Variants in LRRTM4 observed in about 807,000 individuals in gnomAD.
LRRTM4 encodes the protein leucine rich repeat transmembrane neuronal 4, also known as leucine-rich repeat transmembrane neuronal protein 4.
Under a neutral mutation model 47.6 loss-of-function variants are expected in LRRTM4, and 25 were observed. The observed-to-expected ratio is 0.53, with a 90% CI of 0.38 to 0.73. The LOEUF (loss-of-function observed/expected upper bound fraction) is 0.73. Ranked by LOEUF, LRRTM4 falls within the 30% of genes least tolerant of loss-of-function variation. The pLI, the probability that LRRTM4 is intolerant of heterozygous loss-of-function variation, is 0.00. For synonymous variants in LRRTM4, 311 were observed against 269.5 expected (o/e 1.15, Z -1.51); for missense variants, 638 against 713.4 (o/e 0.89, Z 1.20).
chr2:77,167,037 AAATTTTTAC>A (rs1173343215), intron 3 of LRRTM4, among the ~76,000 whole-genome samples: 2 of 152,208 alleles, frequency 1.3e-5, no homozygotes, highest in Non-Finnish European at 2.9e-5. Context: ...GAATGGGAGA[AAATTTTTAC>A]AATCTACGCA....
At chr2:77,080,111 A>G (rs930777538) in intron 3 of LRRTM4, among the ~76,000 whole-genome samples, 1 of 152,158 alleles carries the variant, frequency 6.6e-6, no homozygotes, top group Non-Finnish European at 1.5e-5. Context: ...CAATGGTCAT[A>G]CATTGCTAAA....
chr2:76,853,098 A>T (rs895231353), intron 3 of LRRTM4, among the ~76,000 whole-genome samples: 1 of 152,044 alleles, frequency 6.6e-6, no homozygotes, highest in Non-Finnish European at 1.5e-5. Context: ...AAAAGTTTGG[A>T]CTTGATATTG....
chr2:76,836,864 G>T (rs1043015510), intron 3 of LRRTM4, among the ~76,000 whole-genome samples: 2 of 152,068 alleles, frequency 1.3e-5, no homozygotes, highest in African/African-American at 2.4e-5. Flanking sequence ...GAGTTTTTTA[G>T]GCCGGTCTAA....
intron 3 of LRRTM4, among the ~76,000 whole-genome samples, chr2:77,460,114 T>C (rs1049937477): frequency 2.0e-5 from 3 of 152,124 alleles, no homozygotes; most frequent in African/African-American, 7.2e-5. Flanking sequence ...CATGTGAAAC[T>C]GAAAGAATGC....
chr2:77,009,451 C>A (rs1214977246), intron 3 of LRRTM4: 1 of 152,084 alleles, frequency 6.6e-6, no homozygotes, highest in Non-Finnish European at 1.5e-5. Flanking sequence ...TCATCCCTCT[C>A]AAATGCTCTA....
intron 3 of LRRTM4, among the ~76,000 whole-genome samples, chr2:77,418,145 T>A (rs1189659817): frequency 6.6e-6 from 1 of 152,122 alleles, no homozygotes; most frequent in Non-Finnish European, 1.5e-5. Flanking sequence ...GTGTCAAGGG[T>A]TCTTAGCGTA....
intron 3 of LRRTM4, among the ~76,000 whole-genome samples, chr2:76,788,153 G>T (rs1176381178): frequency 6.6e-6 from 1 of 152,116 alleles, no homozygotes; most frequent in Non-Finnish European, 1.5e-5. Context: ...TCTGTAGTAG[G>T]AGAACCAAGT....
intron 3 of LRRTM4, among the ~76,000 whole-genome samples, chr2:76,830,515 C>CGTGTGCGTGTGT (rs1553416353): frequency 2.1e-5 from 3 of 144,088 alleles, no homozygotes; most frequent in South Asian, 4.4e-4. Context: ...GCAGTGTGTG[C>CGTGTGCGTGTGT]GTGTGTGTGT....
intron 3 of LRRTM4, among the ~76,000 whole-genome samples, chr2:77,394,761 C>T (rs1212754711): frequency 2.0e-5 from 3 of 151,846 alleles, no homozygotes; most frequent in African/African-American, 7.3e-5. Flanking sequence ...ACAGTTAGGC[C>T]CCCTATGTCA....
intron 3 of LRRTM4, among the ~76,000 whole-genome samples, chr2:76,868,878 C>CATCAAGTAATAAAATACAGA (rs2104041667): frequency 6.6e-6 from 1 of 152,184 alleles, no homozygotes; most frequent in East Asian, 1.9e-4. Flanking sequence ...TTTCAAGTAT[C>CATCAAGTAATAAAATACAGA]TGTATTATTA....
chr2:77,059,909 G>A (rs530535564), intron 3 of LRRTM4, among the ~76,000 whole-genome samples: 1 of 152,218 alleles, frequency 6.6e-6, no homozygotes, highest in Admixed American at 6.5e-5. Flanking sequence ...CTAATTGCTT[G>A]TCAAATCAGG....
At chr2:76,911,548 T>C (rs1386848482) in intron 3 of LRRTM4, among the ~76,000 whole-genome samples, 1 of 152,142 alleles carries the variant, frequency 6.6e-6, no homozygotes, top group Non-Finnish European at 1.5e-5. Flanking sequence ...CAGTGGGATA[T>C]GAATTACTGT....
intron 3 of LRRTM4, among the ~76,000 whole-genome samples, chr2:76,892,221 T>A (rs1266219441): frequency 6.6e-6 from 1 of 151,744 alleles, no homozygotes; most frequent in East Asian, 1.9e-4. Context: ...AAAACTTTCT[T>A]AGGACAGTTA....
At chr2:77,266,345 G>A (rs763999790) in intron 3 of LRRTM4, among the ~76,000 whole-genome samples, 2 of 151,872 alleles carry the variant, frequency 1.3e-5, no homozygotes, top group Non-Finnish European at 2.9e-5. Flanking sequence ...AAATTCAAAA[G>A]GCAAAGATAA....
rs577273086 is a variant in LRRTM4 at position 76,787,352 on chromosome 2, CTCTTT to C, written c.1552-38441_1552-38437del. On this transcript the variant is annotated intron_variant, in intron 3 of 3. Coordinates refer to ENST00000409884, the MANE Select transcript of LRRTM4 (RefSeq NM_001134745.3). ...ACTTCCTGGTCATAATTATTTTCAT[CTCTTT>C]TCTTTTTATTGATATATAGAGCCTG... is the stretch of plus-strand genomic sequence containing the variant. Among the ~76,000 whole-genome samples, 26 of 152,182 alleles carry C rather than the reference CTCTTT, an allele frequency of 1.7e-4. No homozygotes were observed. The South Asian group carries it at 4.8e-3, about 28-fold the overall frequency.
intron 3 of LRRTM4, among the ~76,000 whole-genome samples, chr2:77,071,023 C>G (rs1211219259): frequency 6.6e-6 from 1 of 152,136 alleles, no homozygotes; most frequent in Non-Finnish European, 1.5e-5. Context: ...CTGTGCATGT[C>G]TAATATTTTA....
intron 3 of LRRTM4, among the ~76,000 whole-genome samples, chr2:76,979,933 C>T (rs1388882730): frequency 6.6e-6 from 1 of 151,884 alleles, no homozygotes; most frequent in East Asian, 1.9e-4. Flanking sequence ...TCCAAATTAC[C>T]CCACACTGCA....
chr2:76,841,688 G>GTATGTA (rs1553418039), intron 3 of LRRTM4, among the ~76,000 whole-genome samples: 1 of 148,220 alleles, frequency 6.7e-6, no homozygotes, highest in African/African-American at 2.5e-5. Flanking sequence ...ACTTTACTGT[G>GTATGTA]TATATATATA....
intron 3 of LRRTM4, among the ~76,000 whole-genome samples, chr2:77,177,870 C>T (rs2103849561): frequency 6.6e-6 from 1 of 152,318 alleles, no homozygotes; most frequent in Admixed American, 6.5e-5. Flanking sequence ...TGGTTCCCTT[C>T]CAGTCAGATG....
Sources: allele counts gnomAD v4.1 joint callset (sites outside exome capture counted in the v4.1 genomes callset), GRCh38; gene constraint gnomAD v4.1.1; transcripts MANE v1.5; gene names NCBI Gene and HGNC (gene_info 2026-07-23, HGNC 2026-07-21).